The following MOV10L1 variants were observed in gnomAD, a reference collection of about 807,000 sequenced individuals.
MOV10L1 encodes Mov10 like RNA helicase 1.
Under a neutral mutation model 143.8 loss-of-function variants are expected in MOV10L1, and 110 were observed. That is an observed-to-expected ratio of 0.76 (90% CI 0.66 to 0.90). The LOEUF (loss-of-function observed/expected upper bound fraction) is 0.90, where lower values mean the gene tolerates loss of function less well. Among genes scored for constraint, MOV10L1 ranks in the 40% least tolerant of loss-of-function variants. The probability of loss-of-function intolerance (pLI) is 0.00; values close to 1 mark genes in which losing one functional copy is unlikely to be tolerated. For synonymous variants in MOV10L1, 593 were observed against 581.1 expected (o/e 1.02, Z -0.29); for missense variants, 1,406 against 1,526.8 (o/e 0.92, Z 1.32).
intron 5 of MOV10L1, among the ~76,000 whole-genome samples, chr22:50,112,771 G>A (rs111369640): frequency 0.018 from 2,720 of 152,300 alleles, 39 homozygotes; most frequent in South Asian, 0.061. Context: ...CAAGAGCTCC[G>A]CAGCTTCTCC....
intron 10 of MOV10L1, among the ~76,000 whole-genome samples, chr22:50,122,138 T>G (rs2062364624): frequency 6.6e-6 from 1 of 152,204 alleles, no homozygotes; most frequent in African/African-American, 2.4e-5. Flanking sequence ...TAGATTGCGT[T>G]GGTTAGTATG....
chr22:50,144,001 T>C, intron 17 of MOV10L1, 96 bp from the exon 18 acceptor site: 4 of 1,480,286 alleles, frequency 2.7e-6, no homozygotes, highest in Non-Finnish European at 3.7e-6. Flanking sequence ...TGCAGCTGAG[T>C]CCCTGCACCC....
intron 3 of MOV10L1, among the ~76,000 whole-genome samples, chr22:50,105,975 C>G (rs1182012627): frequency 6.6e-6 from 1 of 152,220 alleles, no homozygotes; most frequent in East Asian, 1.9e-4. Context: ...TCTCAGCTTC[C>G]TGACCTGCAG....
chr22:50,142,994 G>A (rs1270839176), intron 16 of MOV10L1, 49 bp from the exon 17 acceptor site: 1 of 1,567,754 alleles, frequency 6.4e-7, no homozygotes, highest in South Asian at 1.1e-5. Context: ...GTCCACAGCT[G>A]TTGAGAGCTG....
At chr22:50,133,607 C>G (rs930035322) in intron 13 of MOV10L1, among the ~76,000 whole-genome samples, 3 of 151,938 alleles carry the variant, frequency 2.0e-5, no homozygotes, top group African/African-American at 7.3e-5. Context: ...GTGGTGCCAT[C>G]TCAGCTTACT....
At chr22:50,133,741 A>G (rs1047650188) in intron 13 of MOV10L1, among the ~76,000 whole-genome samples, 2 of 151,942 alleles carry the variant, frequency 1.3e-5, no homozygotes, top group East Asian at 1.9e-4. Flanking sequence ...GCAGGGTTTC[A>G]TCATGTTGGC....
intron 2 of MOV10L1, chr22:50,095,077 C>T (rs2062555466): frequency 6.6e-6 from 1 of 152,272 alleles, no homozygotes; most frequent in East Asian, 1.9e-4. Context: ...TTTCCCTGGC[C>T]ACATTTCAAG....
At chr22:50,111,265 A>G (rs1217493002) in intron 5 of MOV10L1, among the ~76,000 whole-genome samples, 2 of 152,198 alleles carry the variant, frequency 1.3e-5, no homozygotes, top group Admixed American at 6.5e-5. Context: ...GTGCGGTCAC[A>G]TGACTGAATA....
chr22:50,119,978 G>A (rs1329165583), intron 9 of MOV10L1, among the ~76,000 whole-genome samples: 1 of 151,914 alleles, frequency 6.6e-6, no homozygotes, highest in Non-Finnish European at 1.5e-5. Context: ...TTCTGTTGCC[G>A]CATTGGGCTT....
At chr22:50,127,863 C>T (rs906860833) in intron 12 of MOV10L1, among the ~76,000 whole-genome samples, 11 of 151,880 alleles carry the variant, frequency 7.2e-5, no homozygotes, top group African/African-American at 2.4e-4. Context: ...ACCTCCGCTT[C>T]CCAGGTTCAA....
At position 50,115,122 on chromosome 22, in the gene MOV10L1, A is replaced by T; in HGVS notation, c.1135A>T (p.Thr379Ser). The change falls in exon 8 of 27, where the codon ACC (threonine) becomes TCC (serine). Residue 379 changes from threonine to serine, a missense_variant. This residue lies in a region of MOV10L1 where 1,233 missense variants were observed against 1,351.4 expected (regional missense o/e 0.91). Transcript: ENST00000262794. ...AAAATTTTATTTCCCAGGTGATTGT[A>T]CCTGTAAAGGAGAAAATGGAGAAAA... ...NNRGISPGDC[T>S]CKGENGEKDN... 6.4e-7 allele frequency: 1 copy of T among 1,571,190 alleles called. No homozygotes were observed. Among genetic ancestry groups the T allele is most frequent in the Non-Finnish European group, 8.6e-7 (1 of 1,166,846 alleles).
Position 50,117,336 on chromosome 22 carries a change from T to G in MOV10L1, c.1439T>G (p.Val480Gly). ...ACATCCGCAAAAACTACAGTTGTTGTGACCGCACAGAAAAGGTACCATAAC... is the reference window on the plus strand; with the variant it reads ...ACATCCGCAAAAACTACAGTTGTTGGGACCGCACAGAAAAGGTACCATAAC... Reference protein sequence around the residue: ...ALTSAKTTVVVTAQKRNSRRQ... With the variant: ...ALTSAKTTVVGTAQKRNSRRQ... The change falls in exon 9 of 27, where the codon GTG becomes GGG. Residue 480 changes from valine to glycine, a missense_variant. Val to Gly is a moderately radical substitution (Grantham distance 109). Around this residue, in one of 3 missense-constraint regions of MOV10L1, gnomAD observed 1,233 missense variants for 1,351.4 expected, o/e 0.91. Transcript: ENST00000262794. 6.2e-7 allele frequency: 1 copy of G among 1,613,796 alleles called. No homozygotes were observed. Among genetic ancestry groups the G allele is most frequent in the Non-Finnish European group, 8.5e-7 (1 of 1,179,910 alleles).
Position 50,117,140 on chromosome 22 carries a change from AT to A in MOV10L1, c.1260-13del, listed in dbSNP as rs2062201703. ...TTATTTATGACTAAAACTAAATTTC[AT>A]TTTGTTTTTTTCAAGAAATCCTGGC... On this transcript the variant is annotated splice_polypyrimidine_tract_variant and intron_variant, in intron 8 of 26. Transcript: ENST00000262794. The A allele has an allele frequency of 6.3e-7, 1 of 1,587,730 alleles. No homozygotes were observed. Among genetic ancestry groups the A allele is most frequent in the South Asian group, 1.2e-5 (1 of 86,812 alleles).
At chr22:50,119,002 G>A (rs143183796) in intron 9 of MOV10L1, among the ~76,000 whole-genome samples, 82 of 152,254 alleles carry the variant, frequency 5.4e-4, no homozygotes, top group Middle Eastern at 3.4e-3. Context: ...AAAGTCCCTC[G>A]GCTGCCAGGC....
Position 50,159,773 on chromosome 22 carries a change from C to T in MOV10L1, c.3312C>T (p.Ile1104=). The part of the protein sequence containing the change: ...EEFQGQEYLV[I]IISTVRSNED... ...TTCAAGGACAAGAGTATCTGGTCATCATCATTTCGACCGTAGGTATCCCTG... is the reference window on the plus strand; with the variant it reads ...TTCAAGGACAAGAGTATCTGGTCATTATCATTTCGACCGTAGGTATCCCTG... The change falls in exon 24 of 27, where the codon ATC becomes ATT. Residue 1104 remains isoleucine (I), a synonymous_variant. Coordinates refer to ENST00000262794, the MANE Select transcript of MOV10L1 (RefSeq NM_018995.3). This position sits in a 1 kb window ranked among gnomAD's most constrained non-coding sequence, Gnocchi z 4.1. 1.2e-6 allele frequency: 2 copies of T among 1,608,920 alleles called. No individual in the cohort carries two copies. Among genetic ancestry groups the T allele is most frequent in the Non-Finnish European group, 1.7e-6 (2 of 1,175,838 alleles).
At chr22:50,121,780 G>T (rs940019091) in intron 10 of MOV10L1, among the ~76,000 whole-genome samples, 3 of 152,218 alleles carry the variant, frequency 2.0e-5, no homozygotes, top group African/African-American at 7.2e-5. Context: ...GTGCTCCTCA[G>T]TTCCTTCCAC....
intron 3 of MOV10L1, among the ~76,000 whole-genome samples, 157 bp from the exon 4 acceptor site, chr22:50,107,978 GT>G (rs1218817033): frequency 3.3e-5 from 5 of 152,174 alleles, no homozygotes; most frequent in African/African-American, 7.2e-5. Flanking sequence ...ATACTTCAGG[GT>G]TTTTTATTCG....
At chr22:50,124,576 C>G (rs181981183) in intron 10 of MOV10L1, among the ~76,000 whole-genome samples, 12 of 152,332 alleles carry the variant, frequency 7.9e-5, no homozygotes, top group East Asian at 7.7e-4. Flanking sequence ...GACGCACTTT[C>G]TGCCCTCCCA....
intron 19 of MOV10L1, chr22:50,147,067 G>A: frequency 1.3e-6 from 2 of 1,556,154 alleles, no homozygotes; most frequent in Non-Finnish European, 1.7e-6. Flanking sequence ...GAGCCGAAGA[G>A]CCAGTCCTCA....
Sources: allele counts gnomAD v4.1 joint callset (sites outside exome capture counted in the v4.1 genomes callset), GRCh38; gene constraint gnomAD v4.1.1; regional missense constraint gnomAD v4.1.1; non-coding constraint Gnocchi (gnomAD v3.1); transcripts MANE v1.5; gene names NCBI Gene and HGNC (gene_info 2026-07-23, HGNC 2026-07-21).